The following APBB2 variants were observed in gnomAD, a reference collection of about 807,000 sequenced individuals.
The protein encoded by APBB2 is Fe65-like 1.
Under a neutral mutation model 82.5 loss-of-function variants are expected in APBB2, and 38 were observed. The observed-to-expected ratio is 0.46, with a 90% confidence interval of 0.36 to 0.60. The LOEUF (loss-of-function observed/expected upper bound fraction) is 0.60. Ranked by LOEUF, APBB2 falls within the 20% of genes least tolerant of loss-of-function variation. APBB2 has a pLI of 0.00. For missense variants in APBB2, 772 were observed against 972.3 expected (o/e 0.79, Z 2.74); for synonymous variants, 341 against 368.2 (o/e 0.93, Z 0.85).
intron 12 of APBB2, among the ~76,000 whole-genome samples, chr4:40,887,141 G>C (rs1026145981): frequency 2.0e-5 from 3 of 152,112 alleles, no homozygotes; most frequent in Non-Finnish European, 2.9e-5. Context: ...CTCAACCCTG[G>C]GGGGCTCAGT....
intron 2 of APBB2, among the ~76,000 whole-genome samples, chr4:41,112,031 G>A (rs1749359383): frequency 6.6e-6 from 1 of 152,282 alleles, no homozygotes; most frequent in East Asian, 1.9e-4. Flanking sequence ...AGATGGAAAT[G>A]CTTTTCTCAC....
At chr4:40,906,129 C>T (rs944045763) in intron 10 of APBB2, among the ~76,000 whole-genome samples, 1 of 152,190 alleles carries the variant, frequency 6.6e-6, no homozygotes, top group Admixed American at 6.6e-5. Context: ...TCAGTGTATT[C>T]TAAGCATAGA....
intron 1 of APBB2, among the ~76,000 whole-genome samples, chr4:41,200,090 T>A (rs901550632): frequency 1.3e-5 from 2 of 152,222 alleles, no homozygotes; most frequent in African/African-American, 2.4e-5. Flanking sequence ...CAGACACAAC[T>A]AAATGAATAT....
intron 5 of APBB2, among the ~76,000 whole-genome samples, chr4:41,030,887 G>C (rs1427808440): frequency 7.2e-6 from 1 of 138,892 alleles, no homozygotes; most frequent in African/African-American, 3.2e-5. Context: ...GAGCTGAATC[G>C]TGAAGGGCCA....
At position 41,002,494 on chromosome 4, in the gene APBB2, TG is replaced by T. The variant is rs1356627326; in HGVS notation, c.835+11088del. On this transcript the variant is annotated intron_variant, in intron 6 of 17. Coordinates refer to ENST00000508593, the MANE Select transcript of APBB2 (RefSeq NM_004307.2). ...GTAACAGGCAAGATCAACATTAGCC[TG>T]GTTCTTCTACCGTAACAGTTCCATG... Among the ~76,000 whole-genome samples, 6 of 152,350 alleles carry T rather than the reference TG, an allele frequency of 3.9e-5. No homozygotes were observed. The East Asian group carries it at 1.2e-3, about 29-fold the overall frequency.
Position 41,000,065 on chromosome 4 carries a change from GTGTA to G in APBB2, c.835+13514_835+13517del, listed in dbSNP as rs1178407751. 1.2e-3 allele frequency among the ~76,000 whole-genome samples: 124 copies of G among 100,616 alleles called. 1 individual carries two copies. The highest frequency in any genetic ancestry group is 0.011 in the East Asian group (30 of 2,774). The allele number at this position is 100,616 out of a possible 152,430, so 66.0% of individuals were successfully genotyped here. ...TGTGTATGTATATGTATATATATGT[GTGTA>G]TGTGTGTGTGTGTGTGTGTGTGTGT... On this transcript the variant is annotated intron_variant, in intron 6 of 17. Transcript: ENST00000508593.
chr4:40,931,799 CT>C (rs111481667), intron 10 of APBB2, among the ~76,000 whole-genome samples: 1,911 of 144,430 alleles, frequency 0.013, 25 homozygotes, highest in African/African-American at 0.026. Context: ...TTTCTGTGCC[CT>C]TTTTTTTTTT....
At chr4:41,004,249 G>A (rs1806051521) in intron 6 of APBB2, among the ~76,000 whole-genome samples, 1 of 152,058 alleles carries the variant, frequency 6.6e-6, no homozygotes, top group Non-Finnish European at 1.5e-5. Context: ...GCCACCAAGT[G>A]TGTGATAATT....
chr4:40,833,863 C>T (rs560928021), intron 12 of APBB2, among the ~76,000 whole-genome samples: 29 of 152,362 alleles, frequency 1.9e-4, no homozygotes, highest in African/African-American at 5.8e-4. Flanking sequence ...GTTACCGACA[C>T]GGCGGATGAA....
At chr4:41,041,291 G>T (rs1721415379) in intron 4 of APBB2, among the ~76,000 whole-genome samples, 1 of 152,108 alleles carries the variant, frequency 6.6e-6, no homozygotes, top group Non-Finnish European at 1.5e-5. Context: ...TGCCTGCTTA[G>T]TACAATACAC....
At chr4:40,861,694 G>C (rs992457534) in intron 12 of APBB2, among the ~76,000 whole-genome samples, 1 of 152,130 alleles carries the variant, frequency 6.6e-6, no homozygotes, top group Admixed American at 6.5e-5. Context: ...AAACAGGTCT[G>C]GTTCACAGAA....
At position 41,014,236 on chromosome 4, in the gene APBB2, C is replaced by CTGT; in HGVS notation, c.179_181dup (p.Asn60dup). The CTGT allele has an allele frequency of 6.2e-7, 1 of 1,614,160 alleles. No homozygotes were observed. The highest frequency in any genetic ancestry group is 8.5e-7 in the Non-Finnish European group (1 of 1,180,032). On this transcript the variant is annotated inframe_insertion, in exon 6 of 18. Transcript: ENST00000508593. ...TTTTTTCCTGCATTTGGGAGGTGTG[C>CTGT]TGTTCTTGGTTTCTGTGTGTTTTAT...
At chr4:40,949,607 C>G (rs1789511173) in intron 6 of APBB2, among the ~76,000 whole-genome samples, 1 of 151,850 alleles carries the variant, frequency 6.6e-6, no homozygotes, top group Non-Finnish European at 1.5e-5. Flanking sequence ...AGAGGGAGCA[C>G]AAGCAGAACA....
At chr4:40,984,114 G>A (rs1799800587) in intron 6 of APBB2, among the ~76,000 whole-genome samples, 1 of 152,142 alleles carries the variant, frequency 6.6e-6, no homozygotes, top group Non-Finnish European at 1.5e-5. Flanking sequence ...CCTGTGCAAG[G>A]GATGGCCGGA....
chr4:40,972,445 T>TAATA (rs1553888325), intron 6 of APBB2, among the ~76,000 whole-genome samples: 4 of 146,996 alleles, frequency 2.7e-5, no homozygotes, highest in Non-Finnish European at 4.5e-5. Context: ...AAAAAAATAA[T>TAATA]AATAAATAAA....
intron 5 of APBB2, among the ~76,000 whole-genome samples, chr4:41,018,375 A>G (rs1237044095): frequency 1.1e-4 from 16 of 152,312 alleles, no homozygotes; most frequent in Admixed American, 6.5e-4. Context: ...ATGCAGAGGA[A>G]TAAGTGGGCT....
intron 1 of APBB2, among the ~76,000 whole-genome samples, chr4:41,191,679 C>T (rs1389209346): frequency 6.6e-6 from 1 of 152,156 alleles, no homozygotes; most frequent in Non-Finnish European, 1.5e-5. Context: ...CAGAAGAGAA[C>T]ATAAGGGAAA....
intron 6 of APBB2, among the ~76,000 whole-genome samples, chr4:40,953,468 C>G (rs931388479): frequency 9.2e-5 from 14 of 151,978 alleles, no homozygotes; most frequent in Non-Finnish European, 2.1e-4. Flanking sequence ...TGTGTCATTG[C>G]ACCGAGATTC....
intron 5 of APBB2, among the ~76,000 whole-genome samples, chr4:41,026,839 C>A (rs556271501): frequency 6.6e-6 from 1 of 152,232 alleles, no homozygotes; most frequent in East Asian, 1.9e-4. Flanking sequence ...CTACAGATAG[C>A]TTTTTTTGAT....
Sources: allele counts gnomAD v4.1 joint callset (sites outside exome capture counted in the v4.1 genomes callset), GRCh38; gene constraint gnomAD v4.1.1; transcripts MANE v1.5; gene names NCBI Gene and HGNC (gene_info 2026-07-23, HGNC 2026-07-21).